The following GTPBP6 variants were observed in gnomAD, a reference collection of about 807,000 sequenced individuals.
The protein encoded by GTPBP6 is GTP binding protein 6.
In GTPBP6, 33 loss-of-function variants were observed where a neutral mutation model predicts 28.9. The observed-to-expected ratio is 1.14, with a 90% CI of 0.87 to 1.53. The LOEUF is 1.53. Among genes scored for constraint, GTPBP6 ranks in the 40% most tolerant of loss-of-function variants. GTPBP6 has a pLI of 0.00. For missense variants in GTPBP6, 507 were observed against 408.3 expected (o/e 1.24, Z -2.08); for synonymous variants, 231 against 192.7 (o/e 1.20, Z -1.65).
intron 4 of GTPBP6, 111 bp downstream of exon 4, chrX:314,779 A>G (rs2070398620): frequency 2.4e-6 from 1 of 411,554 alleles, no homozygotes; most frequent in African/African-American, 2.0e-5. Flanking sequence ...CCCGGCCCCC[A>G]TGGTGCTTTT....
intron 7 of GTPBP6, among the ~76,000 whole-genome samples, chrX:311,213 T>TG (rs755815235): frequency 0.014 from 1,918 of 134,972 alleles, 116 homozygotes; most frequent in African/African-American, 0.05. Flanking sequence ...GCCCGGCCCC[T>TG]GGCTTTGTGT....
chrX:317,497 A>G (rs1432463954), intron 1 of GTPBP6, among the ~76,000 whole-genome samples: 1 of 141,780 alleles, frequency 7.1e-6, no homozygotes, highest in Non-Finnish European at 1.5e-5. Context: ...TCCAAGGGAA[A>G]AATCAACCTT....
chrX:307,412 T>C, exon 9 of GTPBP6: 2 of 1,612,336 alleles, frequency 1.2e-6, no homozygotes, highest in Non-Finnish European at 1.7e-6. Context: ...TGTCTCCCCG[T>C]CGCCTTCAAA....
exon 10 of GTPBP6, chrX:304,772 T>C: frequency 7.8e-7 from 1 of 1,283,008 alleles, no homozygotes; most frequent in South Asian, 2.2e-5. Context: ...AATCAAAGGT[T>C]TAATGTCCTG....
In GTPBP6 at chrX:310,642, A is replaced by G. The variant is rs1162901307; in HGVS notation, c.1125+777T>C. Among the ~76,000 whole-genome samples, 229 of 141,932 alleles carry G rather than the reference A, an allele frequency of 1.6e-3. No individual in the cohort carries two copies. In the Middle Eastern group the frequency reaches 0.026, roughly 16 times the overall value. 93.1% of individuals were successfully genotyped at this position (141,932 alleles called of 152,430 possible). ...AAGAGGAGACACAGACACAGAGGAGAAGGCCACAGACAGAGGCAGAGACTG... is the reference window on the plus strand; with the variant it reads ...AAGAGGAGACACAGACACAGAGGAGGAGGCCACAGACAGAGGCAGAGACTG... On this transcript the variant is annotated intron_variant, in intron 7 of 9. Coordinates refer to ENST00000326153, the Ensembl canonical transcript of GTPBP6.
chrX:311,808 C>T (rs1392116872), intron 6 of GTPBP6, 181 bp from the exon 7 acceptor site: 32 of 624,384 alleles, frequency 5.1e-5, no homozygotes, highest in South Asian at 3.1e-4. Flanking sequence ...AAGCCACCGT[C>T]GCTGTTCTCG....
chrX:316,291 G>A (rs1244088474), intron 2 of GTPBP6, among the ~76,000 whole-genome samples: 1 of 97,348 alleles, frequency 1.0e-5, no homozygotes, highest in African/African-American at 3.3e-5. Context: ...AATACATCCC[G>A]ACAGGGACAG....
At chrX:311,319 G>A in intron 7 of GTPBP6, 100 bp downstream of exon 7, 2 of 739,138 alleles carry the variant, frequency 2.7e-6, no homozygotes, top group Non-Finnish European at 4.3e-6. Context: ...GGGCTGAGTG[G>A]GTGTCCGAGG....
intron 2 of GTPBP6, among the ~76,000 whole-genome samples, chrX:315,650 C>T: frequency 8.6e-6 from 1 of 116,156 alleles, no homozygotes; most frequent in African/African-American, 3.3e-5. Context: ...CACACACAAA[C>T]ACAGTAAACA....
chrX:314,834 G>A lies in GTPBP6; in HGVS notation c.689+56C>T, dbSNP rs1223191796. On this transcript the variant is annotated intron_variant, in intron 4 of 9. Coordinates refer to ENST00000326153, the Ensembl canonical transcript of GTPBP6. The stretch of plus-strand genomic sequence containing the variant: ...AACGCCCTACAGGTGACTACAGAAC[G>A]GAGGGGTTCCGGGAGTGGACGTGAC... 2,166 of 400,888 alleles carry A rather than the reference G, an allele frequency of 5.4e-3. 16 individuals are homozygous for A. The highest frequency in any genetic ancestry group is 7.8e-3 in the Non-Finnish European group (1,774 of 227,404). 24.8% of individuals were successfully genotyped at this position (400,888 alleles called of 1,614,324 possible).
intron 7 of GTPBP6, among the ~76,000 whole-genome samples, 172 bp downstream of exon 7, chrX:311,247 G>A (rs2070283851): frequency 7.5e-6 from 1 of 134,084 alleles, no homozygotes; most frequent in African/African-American, 2.8e-5. Context: ...TGGTCCCCGT[G>A]CCCAGTGGGT....
intron 8 of GTPBP6, 48 bp downstream of exon 8, chrX:307,684 G>A (rs1255530931): frequency 6.9e-7 from 1 of 1,453,030 alleles, no homozygotes. Flanking sequence ...CCCGGCTCCA[G>A]CGCGTGCAGG....
chrX:306,805 G>C, intron 9 of GTPBP6, among the ~76,000 whole-genome samples: 1 of 150,004 alleles, frequency 6.7e-6, no homozygotes, highest in African/African-American at 2.5e-5. Flanking sequence ...GCATAATTAG[G>C]CACCTGTTGT....
At chrX:307,278 T>A in intron 9 of GTPBP6, 82 bp downstream of exon 9, 1 of 1,317,436 alleles carries the variant, frequency 7.6e-7, no homozygotes, top group Non-Finnish European at 1.1e-6. Context: ...CAGCTCCTTG[T>A]GCACCCACGA....
chrX:305,238 G>C (rs757877130), intron 9 of GTPBP6, 41 bp from the exon 10 acceptor site: 7 of 1,417,060 alleles, frequency 4.9e-6, no homozygotes, highest in South Asian at 1.2e-5. Context: ...AGCAGAACCC[G>C]TAAGTATTTG....
chrX:310,243 C>A (rs36115192), intron 7 of GTPBP6, among the ~76,000 whole-genome samples: 3,692 of 71,378 alleles, frequency 0.052, 25 homozygotes, highest in South Asian at 0.11. Flanking sequence ...AGGGTGGACC[C>A]TAAATCTAAT....
At chrX:316,859 G>T in intron 2 of GTPBP6, 55 bp downstream of exon 2, 1 of 398,802 alleles carries the variant, frequency 2.5e-6, no homozygotes, top group East Asian at 3.6e-5. Flanking sequence ...GATGTTTTCG[G>T]TAGCGGCGGA....
chrX:317,646 G>A (rs2070462249), intron 1 of GTPBP6, among the ~76,000 whole-genome samples: 1 of 150,912 alleles, frequency 6.6e-6, no homozygotes, highest in South Asian at 2.1e-4. Flanking sequence ...CTCTAACCCA[G>A]AGCAAGAGAA....
chrX:313,753 GC>G (rs1281384262), intron 5 of GTPBP6, among the ~76,000 whole-genome samples: 4 of 151,808 alleles, frequency 2.6e-5, no homozygotes, highest in African/African-American at 7.3e-5. Flanking sequence ...ACCCAGGGAT[GC>G]CTGGAGCCCC....
Sources: gnomAD v4.1 joint callset for allele counts (sites outside exome capture counted in the v4.1 genomes callset) on GRCh38, gnomAD v4.1.1 for gene constraint, MANE v1.5 for transcripts, NCBI Gene and HGNC (gene_info 2026-07-23, HGNC 2026-07-21) for gene names.